The following SLC16A12 variants were observed in gnomAD, a reference collection of about 807,000 sequenced individuals.
The protein encoded by SLC16A12 is solute carrier family 16 member 12.
SLC16A12 carries 17 observed loss-of-function variants against 42.4 expected under a neutral mutation model. The ratio of observed to expected loss-of-function variants is 0.40; its 90% CI spans 0.27 to 0.60. The LOEUF (loss-of-function observed/expected upper bound fraction) is 0.60, where lower values mean the gene tolerates loss of function less well. Ranked by LOEUF, SLC16A12 falls within the 20% of genes least tolerant of loss-of-function variation. SLC16A12 has a pLI of 0.42. For synonymous variants in SLC16A12, 224 were observed against 229.4 expected (o/e 0.98, Z 0.21); for missense variants, 544 against 623.0 (o/e 0.87, Z 1.35).
At chr10:89,479,127 A>T (rs569574984) in intron 2 of SLC16A12, among the ~76,000 whole-genome samples, 1 of 152,252 alleles carries the variant, frequency 6.6e-6, no homozygotes, top group East Asian at 1.9e-4. Context: ...GGATAGCCGC[A>T]TGTTTAGTAC....
intron 2 of SLC16A12, among the ~76,000 whole-genome samples, chr10:89,540,824 T>TA (rs1186470633): frequency 1.2e-4 from 18 of 152,140 alleles, no homozygotes; most frequent in African/African-American, 4.3e-4. Flanking sequence ...AGTCATGGTA[T>TA]AACTGAAAGG....
At position 89,438,543 on chromosome 10, in the gene SLC16A12, G is replaced by A; in HGVS notation, c.1028+61C>T. 5 of 1,474,178 alleles carry A rather than the reference G, an allele frequency of 3.4e-6. No individual in the cohort carries two copies. In the South Asian group the frequency reaches 3.6e-5, roughly 11 times the overall value. 91.3% of individuals were successfully genotyped at this position (1,474,178 alleles called of 1,614,324 possible). Reference sequence around the variant, plus strand: ...GGTACTCCACAGGGTAAGGGGCTGAGGAGAAACTCAAGGCTTAAAGTCCCC... The same window carrying A: ...GGTACTCCACAGGGTAAGGGGCTGAAGAGAAACTCAAGGCTTAAAGTCCCC... On this transcript the variant is annotated intron_variant, in intron 6 of 7. Coordinates refer to ENST00000371790, the MANE Select transcript of SLC16A12 (RefSeq NM_213606.4).
rs139628680 is a variant in SLC16A12, at chr10:89,529,430, T to G, written c.-47+5071A>C. ...GTATTGGTATAGTTAACACTTTATG[T>G]AGCTACTTTGTTTACATATATGAAC... On this transcript the variant is annotated intron_variant, in intron 2 of 7. Transcript: ENST00000371790. Among the ~76,000 whole-genome samples the G allele has an allele frequency of 5.3e-3, 800 of 152,308 alleles. 5 individuals carry two copies. Among genetic ancestry groups the G allele is most frequent in the African/African-American group, 0.019 (773 of 41,564 alleles).
chr10:89,477,859 G>A (rs1245670272), intron 2 of SLC16A12, among the ~76,000 whole-genome samples: 1 of 146,550 alleles, frequency 6.8e-6, no homozygotes, highest in Non-Finnish European at 1.5e-5. Context: ...ACCGGCCCCT[G>A]CCCTGCCCCC....
upstream of SLC16A12, among the ~76,000 whole-genome samples, chr10:89,539,857 T>TTTTCTTTCTC (rs1843700845): frequency 7.8e-6 from 1 of 127,858 alleles, no homozygotes; most frequent in African/African-American, 3.1e-5. Context: ...AGAAACAAAT[T>TTTTCTTTCTC]TTTCTTTCTT....
intron 2 of SLC16A12, among the ~76,000 whole-genome samples, chr10:89,486,603 A>AAAGAAAGAAAGAAAG (rs762588312): frequency 4.0e-4 from 28 of 70,406 alleles, no homozygotes; most frequent in Non-Finnish European, 5.7e-4. Flanking sequence ...AAAAAAAAAA[A>AAAGAAAGAAAGAAAG]AAAGAAAGAA....
intron 2 of SLC16A12, among the ~76,000 whole-genome samples, chr10:89,491,413 T>C (rs1486268467): frequency 2.0e-5 from 3 of 150,994 alleles, no homozygotes; most frequent in Admixed American, 2.0e-4. Flanking sequence ...AAACATAAAA[T>C]CACCTACTAC....
intron 7 of SLC16A12, among the ~76,000 whole-genome samples, chr10:89,435,362 A>G (rs1841762089): frequency 6.6e-6 from 1 of 152,090 alleles, no homozygotes. Context: ...TCTTTCTCTC[A>G]TTCACCTCTG....
rs185174930 is a variant in SLC16A12 at position 89,546,137 on chromosome 10, A to T, written c.-47+9745T>A. ...ATTCAGGACACAGGCATGGGCAAAG[A>T]CTTCATGACAAAAATGCCAAAAGCA... On this transcript the variant is annotated intron_variant, in intron 2 of 2. Transcript: ENST00000475682. Among the ~76,000 whole-genome samples the T allele has an allele frequency of 3.8e-4, 57 of 151,674 alleles. 2 individuals carry two copies. The highest frequency in any genetic ancestry group is 1.4e-3 in the African/African-American group (56 of 40,958).
chr10:89,515,350 C>G (rs1843233745), intron 2 of SLC16A12, among the ~76,000 whole-genome samples: 1 of 152,132 alleles, frequency 6.6e-6, no homozygotes, highest in Admixed American at 6.6e-5. Flanking sequence ...CAAAGAGCCT[C>G]CTGAAACAGG....
chr10:89,538,749 A>C (rs368826400), upstream of SLC16A12, among the ~76,000 whole-genome samples: 1 of 152,230 alleles, frequency 6.6e-6, no homozygotes, highest in African/African-American at 2.4e-5. Context: ...ATTAATCCTT[A>C]TTAGTATTAA....
chr10:89,489,631 C>G (rs1258265522), intron 2 of SLC16A12, among the ~76,000 whole-genome samples: 1 of 152,148 alleles, frequency 6.6e-6, no homozygotes, highest in South Asian at 2.1e-4. Flanking sequence ...CATGAGCCAC[C>G]GTGCCAGTCC....
chr10:89,452,169 C>T (rs1449759533), intron 3 of SLC16A12, among the ~76,000 whole-genome samples: 2 of 152,204 alleles, frequency 1.3e-5, no homozygotes, highest in African/African-American at 4.8e-5. Flanking sequence ...TTTCCATTCC[C>T]TTTCAGTCCT....
chr10:89,474,380 A>G (rs1242547683), intron 2 of SLC16A12, among the ~76,000 whole-genome samples: 2 of 152,172 alleles, frequency 1.3e-5, no homozygotes, highest in Non-Finnish European at 2.9e-5. Flanking sequence ...TCAGAATAAG[A>G]GCTTACTCTA....
At chr10:89,542,324 A>G (rs1348347524) in intron 2 of SLC16A12, among the ~76,000 whole-genome samples, 2 of 133,788 alleles carry the variant, frequency 1.5e-5, no homozygotes, top group East Asian at 2.2e-4. Context: ...TTTTTTTGAG[A>G]TAGAGTCACA....
chr10:89,539,877 C>CTTTCT (rs1246583064), upstream of SLC16A12, among the ~76,000 whole-genome samples: 2 of 144,142 alleles, frequency 1.4e-5, no homozygotes, highest in Admixed American at 6.8e-5. Context: ...TTCTTTCTTT[C>CTTTCT]TTTCTTTCTT....
intron 2 of SLC16A12, among the ~76,000 whole-genome samples, chr10:89,550,943 C>T (rs1012122380): frequency 6.6e-6 from 1 of 152,150 alleles, no homozygotes; most frequent in Non-Finnish European, 1.5e-5. Context: ...ATCATGTTTA[C>T]CATTGTATCT....
At chr10:89,447,671 G>A (rs1261750337) in intron 3 of SLC16A12, among the ~76,000 whole-genome samples, 3 of 152,086 alleles carry the variant, frequency 2.0e-5, no homozygotes, top group African/African-American at 7.2e-5. Flanking sequence ...ATTTAAAATC[G>A]ACACCCTAAC....
At chr10:89,467,742 T>A (rs1842426670) in intron 2 of SLC16A12, among the ~76,000 whole-genome samples, 1 of 152,238 alleles carries the variant, frequency 6.6e-6, no homozygotes, top group Admixed American at 6.5e-5. Context: ...TTTCCAAAAC[T>A]GTGTTAAATA....
Sources: allele counts gnomAD v4.1 joint callset (sites outside exome capture counted in the v4.1 genomes callset), GRCh38; gene constraint gnomAD v4.1.1; transcripts MANE v1.5; gene names NCBI Gene and HGNC (gene_info 2026-07-23, HGNC 2026-07-21).